The following PKHD1L1 variants were observed in gnomAD, a reference collection of about 807,000 sequenced individuals.
The protein encoded by PKHD1L1 is PKHD1 like 1.
Under a neutral mutation model 462.9 loss-of-function variants are expected in PKHD1L1, and 434 were observed. That is an observed-to-expected ratio of 0.94 (90% CI 0.87 to 1.02). PKHD1L1 has a LOEUF of 1.02. PKHD1L1 is among the 50% of genes least tolerant of loss of function. The probability of loss-of-function intolerance (pLI) is 0.00; values close to 1 mark genes in which losing one functional copy is unlikely to be tolerated. For missense variants in PKHD1L1, 5,202 were observed against 5,096.1 expected, an observed-to-expected ratio of 1.02 and a Z score of -0.63; for synonymous variants, 1,781 against 1,750.0, an observed-to-expected ratio of 1.02 and a Z score of -0.44.
intron 46 of PKHD1L1, among the ~76,000 whole-genome samples, chr8:109,458,760 C>T (rs531067603): frequency 2.0e-5 from 3 of 152,098 alleles, no homozygotes; most frequent in Non-Finnish European, 2.9e-5. Flanking sequence ...CTTAGGCTTA[C>T]CTTTGTTAAC....
intron 6 of PKHD1L1, among the ~76,000 whole-genome samples, chr8:109,388,066 T>A (rs1435757714): frequency 1.3e-5 from 2 of 152,222 alleles, no homozygotes; most frequent in Non-Finnish European, 2.9e-5. Flanking sequence ...AACTTTGTGC[T>A]GTCTGTGCTG....
intron 43 of PKHD1L1, 45 bp from the exon 44 acceptor site, chr8:109,454,122 C>CA: frequency 7.8e-7 from 1 of 1,277,036 alleles, no homozygotes; most frequent in African/African-American, 1.5e-5. Context: ...TAACTTTTAA[C>CA]AAGATTTTTC....
At chr8:109,397,067 T>A (rs1034580646) in intron 11 of PKHD1L1, among the ~76,000 whole-genome samples, 8 of 152,238 alleles carry the variant, frequency 5.3e-5, no homozygotes, top group African/African-American at 1.9e-4. Context: ...GACCAGATTT[T>A]ATGTTTTAAA....
intron 55 of PKHD1L1, chr8:109,480,805 A>G (rs1390917706): frequency 3.7e-6 from 1 of 271,516 alleles, no homozygotes; most frequent in African/African-American, 2.2e-5. Context: ...AATATTTTAA[A>G]AGTGCATTGT....
intron 50 of PKHD1L1, among the ~76,000 whole-genome samples, chr8:109,468,481 A>C: frequency 6.6e-6 from 1 of 152,228 alleles, no homozygotes; most frequent in East Asian, 1.9e-4. Context: ...CTCATCACAG[A>C]ACATTGTAAA....
chr8:109,404,383 G>A (rs1233545240), intron 14 of PKHD1L1, among the ~76,000 whole-genome samples, 171 bp from the exon 15 acceptor site: 1 of 151,942 alleles, frequency 6.6e-6, no homozygotes, highest in East Asian at 1.9e-4. Flanking sequence ...TTTTATTTTG[G>A]CAAAATGCTG....
At chr8:109,410,192 T>G (rs1482248134) in intron 19 of PKHD1L1, among the ~76,000 whole-genome samples, 5 of 152,226 alleles carry the variant, frequency 3.3e-5, no homozygotes, top group Non-Finnish European at 7.3e-5. Context: ...TTTTTACTAC[T>G]CATGAATTTT....
At chr8:109,462,242 T>A (rs1250533168) in intron 48 of PKHD1L1, among the ~76,000 whole-genome samples, 1 of 152,204 alleles carries the variant, frequency 6.6e-6, no homozygotes, top group Non-Finnish European at 1.5e-5. Context: ...CTACCTGGTC[T>A]TCCTGCTCCC....
chr8:109,385,357 C>G (rs1812384152), intron 5 of PKHD1L1, among the ~76,000 whole-genome samples, 180 bp from the exon 6 acceptor site: 2 of 151,418 alleles, frequency 1.3e-5, no homozygotes, highest in Non-Finnish European at 2.9e-5. Context: ...TTTACAGATA[C>G]TCATTCATAT....
rs541896229 is a variant in PKHD1L1 at position 109,406,364 on chromosome 8, A to G, written c.1699A>G (p.Ile567Val). Residue 567 changes from isoleucine to valine, a missense_variant, in exon 17 of 78, where the codon ATA (isoleucine) becomes GTA (valine). Around this residue, in one of 3 missense-constraint regions of PKHD1L1, gnomAD observed 4,497 missense variants for 4,336.8 expected, o/e 1.04. Coordinates refer to ENST00000378402, the MANE Select transcript of PKHD1L1 (RefSeq NM_177531.6). ...VFLPADASEF[I>V]LQSALNDLWS... is the part of the protein sequence containing the mutation. ...CCTACCTGCTGATGCTTCTGAATTC[A>G]TACTGCAATCAGCCTTGAATGACCT... The G allele has an allele frequency of 1.9e-4, 289 of 1,555,406 alleles. 6 individuals carry two copies. The South Asian group carries it at 2.8e-3, about 15-fold the overall frequency.
At chr8:109,376,492 GCTGCACCCACTGTC>G (rs1476542588) in intron 2 of PKHD1L1, among the ~76,000 whole-genome samples, 6 of 152,106 alleles carry the variant, frequency 3.9e-5, no homozygotes, top group East Asian at 1.9e-4. Context: ...CTCACAGTGC[GCTGCACCCACTGTC>G]CTGCACCCAC....
chr8:109,443,084 T>TC lies in PKHD1L1; in HGVS notation c.4532_4533insC (p.Val1512CysfsTer5). 6.2e-7 allele frequency: 1 copy of TC among 1,613,598 alleles called. No individual in the cohort carries two copies. The highest frequency in any genetic ancestry group is 1.1e-5 in the South Asian group (1 of 91,060). On this transcript the variant is annotated frameshift_variant, in exon 36 of 78. Coordinates refer to ENST00000378402, the MANE Select transcript of PKHD1L1 (RefSeq NM_177531.6). LOFTEE classifies it high-confidence loss of function. The stretch of plus-strand genomic sequence containing the variant: ...ACCAGACACATTCCCTTGCACCTGT[T>TC]TGTGGGTCGCTCTGAAGCCACATAT...
In PKHD1L1 at chr8:109,535,043, C is replaced by A. The variant is rs188487665; in HGVS notation, c.*4953C>A. On this transcript the variant is annotated 3_prime_UTR_variant, in exon 78 of 78. Transcript: ENST00000378402. Reference sequence around the variant, plus strand: ...GGTAGCATGATGAAACTTTTCCTATCCTGCTTTTTGAGATTAAGAAATCTT... The same window carrying A: ...GGTAGCATGATGAAACTTTTCCTATACTGCTTTTTGAGATTAAGAAATCTT... Among the ~76,000 whole-genome samples the A allele has an allele frequency of 6.6e-6, 1 of 152,218 alleles. No homozygotes were observed. Among genetic ancestry groups the A allele is most frequent in the East Asian group, 1.9e-4 (1 of 5,186 alleles).
intron 49 of PKHD1L1, among the ~76,000 whole-genome samples, chr8:109,466,114 T>C (rs769011576): frequency 6.6e-6 from 1 of 152,226 alleles, no homozygotes; most frequent in Non-Finnish European, 1.5e-5. Context: ...TTAACTTCTG[T>C]TTCAAGTATA....
At position 109,443,912 on chromosome 8, in the gene PKHD1L1, T is replaced by A. The variant is rs758041008; in HGVS notation, c.4791+10T>A. 6.4e-7 allele frequency: 1 copy of A among 1,568,202 alleles called. No individual in the cohort carries two copies. On this transcript the variant is annotated intron_variant, in intron 37 of 77. Coordinates refer to ENST00000378402, the MANE Select transcript of PKHD1L1 (RefSeq NM_177531.6). ...CCCATGGGCTAATAAGGTAAGAATA[T>A]AAATACCTCCTTTGTACTTCTATTA...
chr8:109,461,230 G>A (rs1367656906), intron 47 of PKHD1L1, among the ~76,000 whole-genome samples: 3 of 152,060 alleles, frequency 2.0e-5, no homozygotes, highest in Non-Finnish European at 4.4e-5. Flanking sequence ...TTCTTCAAAA[G>A]GAAGTATAAG....
chr8:109,418,033 T>TA (rs1355940668), intron 21 of PKHD1L1, among the ~76,000 whole-genome samples: 1 of 152,186 alleles, frequency 6.6e-6, no homozygotes. Context: ...TTTTAAAATC[T>TA]AAAAACAGGC....
chr8:109,455,730 A>T (rs1468387835), intron 45 of PKHD1L1, among the ~76,000 whole-genome samples: 1 of 152,188 alleles, frequency 6.6e-6, no homozygotes, highest in Admixed American at 6.5e-5. Context: ...TAAAGAAAGC[A>T]TGGTGTGAAT....
chr8:109,405,667 A>G (rs540543416), intron 16 of PKHD1L1, among the ~76,000 whole-genome samples: 2 of 150,556 alleles, frequency 1.3e-5, no homozygotes, highest in African/African-American at 2.4e-5. Context: ...GAGGGGAACA[A>G]CACACACTGG....
Sources: allele counts gnomAD v4.1 joint callset (sites outside exome capture counted in the v4.1 genomes callset), GRCh38; gene constraint gnomAD v4.1.1; regional missense constraint gnomAD v4.1.1; transcripts MANE v1.5; gene names NCBI Gene and HGNC (gene_info 2026-07-23, HGNC 2026-07-21).